The following TANGO6 variants were observed in gnomAD, a reference collection of about 807,000 sequenced individuals.
The protein encoded by TANGO6 is transport and Golgi organization protein 6 homolog.
TANGO6 carries 90 observed loss-of-function variants against 114.2 expected under a neutral mutation model. That is an observed-to-expected ratio of 0.79 (90% CI 0.66 to 0.94). The LOEUF (loss-of-function observed/expected upper bound fraction) is 0.94, where lower values mean the gene tolerates loss of function less well. Ranked by LOEUF, TANGO6 falls within the 40% of genes least tolerant of loss-of-function variation. The pLI is 0.00. For synonymous variants in TANGO6, 477 were observed against 509.8 expected (o/e 0.94, Z 0.87); for missense variants, 1,274 against 1,315.3 (o/e 0.97, Z 0.49).
intron 15 of TANGO6, among the ~76,000 whole-genome samples, chr16:68,983,401 G>A (rs967840192): frequency 2.0e-5 from 3 of 152,032 alleles, no homozygotes; most frequent in Admixed American, 6.6e-5. Flanking sequence ...CCTGGGGATG[G>A]GACATTAATG....
intron 15 of TANGO6, among the ~76,000 whole-genome samples, chr16:68,982,173 G>C (rs911895093): frequency 6.6e-6 from 1 of 152,118 alleles, no homozygotes; most frequent in Non-Finnish European, 1.5e-5. Flanking sequence ...GGGCCATTCT[G>C]TTTCTCTCAA....
chr16:68,939,854 A>G (rs191974393), intron 14 of TANGO6, among the ~76,000 whole-genome samples: 4 of 152,220 alleles, frequency 2.6e-5, no homozygotes, highest in East Asian at 1.9e-4. Context: ...ATAGTTGTCT[A>G]TGCAGTCTCT....
At chr16:68,948,915 G>A (rs549229368) in intron 14 of TANGO6, among the ~76,000 whole-genome samples, 29 of 152,316 alleles carry the variant, frequency 1.9e-4, no homozygotes, top group African/African-American at 5.8e-4. Context: ...GGCTGGGTGC[G>A]GTGGCTCACG....
intron 4 of TANGO6, chr16:68,868,031 C>T (rs922572087): frequency 6.7e-5 from 10 of 150,372 alleles, no homozygotes; most frequent in African/African-American, 2.5e-4. Context: ...ATGGTCCCAG[C>T]TACTTGGGAG....
At chr16:69,015,432 T>A (rs1426236561) in intron 15 of TANGO6, among the ~76,000 whole-genome samples, 1 of 151,238 alleles carries the variant, frequency 6.6e-6, no homozygotes, top group African/African-American at 2.4e-5. Context: ...GATGGGTTGA[T>A]GGAGCATGTA....
At chr16:68,923,201 G>T (rs960968049) in intron 12 of TANGO6, among the ~76,000 whole-genome samples, 3 of 150,874 alleles carry the variant, frequency 2.0e-5, no homozygotes, top group Non-Finnish European at 3.0e-5. Context: ...CAGGTGATCT[G>T]CCCGCTTCCG....
chr16:68,916,989 A>G (rs1403151206), intron 11 of TANGO6, among the ~76,000 whole-genome samples: 2 of 152,262 alleles, frequency 1.3e-5, no homozygotes, highest in East Asian at 1.9e-4. Context: ...CAAATTTGCA[A>G]TGCCCTGTAT....
rs1488470443 is a variant in TANGO6 at position 68,927,679 on chromosome 16, A to G, written c.2239A>G (p.Thr747Ala). The G allele has an allele frequency of 6.2e-7, 1 of 1,614,008 alleles. No homozygotes were observed. Among genetic ancestry groups the G allele is most frequent in the South Asian group, 1.1e-5 (1 of 91,086 alleles). ...IQELAVDLRITISTHGAFATE... is the reference protein window; with the variant it reads ...IQELAVDLRIAISTHGAFATE... Reference sequence around the variant, plus strand: ...AGAACTCGCTGTTGATCTCCGCATCACCATCTCTACCCATGGAGCCTTTGC... The same window carrying G: ...AGAACTCGCTGTTGATCTCCGCATCGCCATCTCTACCCATGGAGCCTTTGC... The change falls in exon 13 of 18, where the codon ACC (threonine) becomes GCC (alanine). Residue 747 changes from threonine (T) to alanine (A), a missense_variant. By Grantham distance (58) the Thr-to-Ala change is moderately conservative. Coordinates refer to ENST00000261778, the MANE Select transcript of TANGO6 (RefSeq NM_024562.2).
At chr16:68,845,224 T>TC (rs1212343491) in intron 1 of TANGO6, among the ~76,000 whole-genome samples, 1 of 152,164 alleles carries the variant, frequency 6.6e-6, no homozygotes, top group Non-Finnish European at 1.5e-5. Flanking sequence ...TGCCTTGGCC[T>TC]CCCAAAGTGC....
chr16:68,954,186 G>A (rs1039313138), intron 14 of TANGO6, among the ~76,000 whole-genome samples: 2 of 149,906 alleles, frequency 1.3e-5, no homozygotes, highest in Non-Finnish European at 3.0e-5. Flanking sequence ...GGAAGCAGAG[G>A]TTGCAGTGAG....
intron 17 of TANGO6, among the ~76,000 whole-genome samples, chr16:69,065,530 A>AC (rs1439877777): frequency 6.6e-6 from 1 of 152,104 alleles, no homozygotes; most frequent in Admixed American, 6.6e-5. Context: ...CCCATCTCCA[A>AC]TTTGCACTTT....
intron 17 of TANGO6, among the ~76,000 whole-genome samples, chr16:69,079,443 C>T (rs1423683389): frequency 6.6e-6 from 1 of 151,282 alleles, no homozygotes; most frequent in African/African-American, 2.4e-5. Context: ...ATCCAGAAAC[C>T]ACAAAGGAAA....
rs1963910876 is a variant in TANGO6 at position 68,987,844 on chromosome 16, A to C, written c.2842+13676A>C. Among the ~76,000 whole-genome samples, 4 of 152,300 alleles carry C rather than the reference A, an allele frequency of 2.6e-5. No individual in the cohort carries two copies. In the South Asian group the frequency reaches 8.3e-4, roughly 32 times the overall value. ...TGATATTATTTTGTTGTTTGTCCTG[A>C]GTGCATTGTGGGAAAAGAATTTGTT... On this transcript the variant is annotated intron_variant, in intron 15 of 17. Coordinates refer to ENST00000261778, the MANE Select transcript of TANGO6 (RefSeq NM_024562.2).
intron 17 of TANGO6, among the ~76,000 whole-genome samples, chr16:69,063,560 C>T (rs1470748233): frequency 1.4e-5 from 2 of 144,102 alleles, no homozygotes; most frequent in South Asian, 2.2e-4. Context: ...GTGGGGGGCA[C>T]CTGTAATCCC....
rs1216598210 is a variant in TANGO6, at chr16:68,902,389, G to T, written c.1552G>T (p.Ala518Ser). The change falls in exon 9 of 18, where the codon GCC becomes TCC. Residue 518 changes from alanine (A) to serine (S), a missense_variant. This residue lies in a region of TANGO6 where 908 missense variants were observed against 910.2 expected (regional missense o/e 1.00). Transcript: ENST00000261778. ...GAAGCTGGAAAGGAAGAAGGCAATT[G>T]CCAGCCTGAAAGGATTTGCAGGGTT... ...LGKLERKKAIASLKGFAGLDK... is the reference protein window; with the variant it reads ...LGKLERKKAISSLKGFAGLDK... 1 of 1,613,624 alleles carries T rather than the reference G, an allele frequency of 6.2e-7. No individual in the cohort carries two copies. Among genetic ancestry groups the T allele is most frequent in the East Asian group, 2.2e-5 (1 of 44,850 alleles).
intron 15 of TANGO6, among the ~76,000 whole-genome samples, chr16:69,004,448 T>C (rs7188392): frequency 0.12 from 18,498 of 152,002 alleles, 1,658 homozygotes; most frequent in African/African-American, 0.25. Context: ...CTCCGCCTCC[T>C]GGGTTCAAGC....
At chr16:69,054,856 G>A (rs1456744302) in intron 17 of TANGO6, among the ~76,000 whole-genome samples, 1 of 150,740 alleles carries the variant, frequency 6.6e-6, no homozygotes, top group Non-Finnish European at 1.5e-5. Context: ...CAGGAGAATG[G>A]CGTGAACCCG....
intron 4 of TANGO6, among the ~76,000 whole-genome samples, chr16:68,872,221 CA>C (rs879557550): frequency 6.4e-4 from 89 of 138,748 alleles, no homozygotes; most frequent in Admixed American, 1.2e-3. Flanking sequence ...ACTCTTGTCT[CA>C]AAAAAAAAAA....
At chr16:69,009,161 A>T (rs1323512414) in intron 15 of TANGO6, among the ~76,000 whole-genome samples, 1 of 145,824 alleles carries the variant, frequency 6.9e-6, no homozygotes, top group Non-Finnish European at 1.5e-5. Context: ...GGCTCACTGA[A>T]ATCTCCGCCT....
Sources: allele counts gnomAD v4.1 joint callset (sites outside exome capture counted in the v4.1 genomes callset), GRCh38; gene constraint gnomAD v4.1.1; regional missense constraint gnomAD v4.1.1; transcripts MANE v1.5; gene names NCBI Gene and HGNC (gene_info 2026-07-23, HGNC 2026-07-21).